NAXD: variants seen among roughly 807,000 people sequenced by gnomAD.
The protein encoded by NAXD is ATP-dependent (S)-NAD(P)H-hydrate dehydratase.
A neutral mutation model predicts 35.8 loss-of-function variants in NAXD; 22 were observed. That is an observed-to-expected ratio of 0.62 (90% confidence interval 0.44 to 0.88). NAXD has a LOEUF of 0.88. NAXD is among the 40% of genes least tolerant of loss of function. The probability of loss-of-function intolerance (pLI) is 0.00; values close to 1 mark genes in which losing one functional copy is unlikely to be tolerated. For synonymous variants in NAXD, 189 were observed against 177.6 expected (o/e 1.06, Z -0.51); for missense variants, 428 against 437.7 (o/e 0.98, Z 0.20).
intron 4 of NAXD, among the ~76,000 whole-genome samples, chr13:110,626,891 T>C (rs897519293): frequency 7.2e-5 from 11 of 152,222 alleles, no homozygotes; most frequent in African/African-American, 2.7e-4. Context: ...GCAGGGTCAG[T>C]GCGTTGTGTG....
At chr13:110,626,875 A>T (rs535032413) in intron 4 of NAXD, among the ~76,000 whole-genome samples, 1 of 152,296 alleles carries the variant, frequency 6.6e-6, no homozygotes, top group East Asian at 1.9e-4. Context: ...TGAATGAGAA[A>T]CTGCAGCAGG....
chr13:110,636,641 T>G (rs764158940), intron 8 of NAXD, among the ~76,000 whole-genome samples: 1 of 152,196 alleles, frequency 6.6e-6, no homozygotes, highest in African/African-American at 2.4e-5. Context: ...TTCAAAGAAA[T>G]AGAGAATTCC....
Position 110,638,756 on chromosome 13 carries a change from GA to G in NAXD, c.*230del, listed in dbSNP as rs1887046203. The G allele has an allele frequency of 1.4e-6, 1 of 692,644 alleles. No individual in the cohort carries two copies. The highest frequency in any genetic ancestry group is 2.7e-5 in the East Asian group (1 of 36,486). The allele number at this position is 692,644 out of a possible 1,614,324, so 42.9% of individuals were successfully genotyped here. A position where few individuals can be genotyped will look rare whatever the true frequency, so the allele number is the denominator to read the frequency against. On this transcript the variant is annotated 3_prime_UTR_variant, in exon 10 of 10. Coordinates refer to ENST00000680254, the MANE Select transcript of NAXD (RefSeq NM_001242882.2). This position sits in a 1 kb window ranked among gnomAD's most constrained non-coding sequence, Gnocchi z 5.4. ...TGGCGACACTAAACAAAGTATTCCT[GA>G]ACTTTCCTTAGCTCCTTGGTAGTAA...
chr13:110,625,304 G>A lies in NAXD; in HGVS notation c.332+26G>A, dbSNP rs182048321. ...GTGAGTCGCTCTGCGCCGGCTTCTC[G>A]TAGGTTCTCTTTCCCTCCTGCATCA... On this transcript the variant is annotated intron_variant, in intron 4 of 9. Transcript: ENST00000680254. 228 of 1,521,334 alleles carry A rather than the reference G, an allele frequency of 1.5e-4. 1 individual carries two copies. In the African/African-American group the frequency reaches 1.6e-3, roughly 11 times the overall value. 94.2% of individuals were successfully genotyped at this position (1,521,334 alleles called of 1,614,324 possible). A position where few individuals can be genotyped will look rare whatever the true frequency, so the allele number is the denominator to read the frequency against.
Position 110,624,216 on chromosome 13 carries a change from T to TA in NAXD, c.198-15dup, listed in dbSNP as rs1886374553. On this transcript the variant is annotated splice_polypyrimidine_tract_variant and intron_variant, in intron 2 of 9. Coordinates refer to ENST00000680254, the MANE Select transcript of NAXD (RefSeq NM_001242882.2). The stretch of plus-strand genomic sequence containing the variant: ...CCTTATTCTCAGAAGTTTTTGACTC[T>TA]AAATACCTTCTTTTTAGGTACACTG... The TA allele has an allele frequency of 1.3e-6, 2 of 1,581,208 alleles. No homozygotes were observed.
At chr13:110,629,550 A>G (rs1013549707) in intron 5 of NAXD, among the ~76,000 whole-genome samples, 2 of 152,152 alleles carry the variant, frequency 1.3e-5, no homozygotes, top group Non-Finnish European at 2.9e-5. Context: ...GACATTTCAT[A>G]TGAATGGAAT....
chr13:110,631,610 CAG>C (rs1242843173), intron 5 of NAXD, among the ~76,000 whole-genome samples: 1 of 152,132 alleles, frequency 6.6e-6, no homozygotes, highest in Non-Finnish European at 1.5e-5. Context: ...AAAGAAAACA[CAG>C]AAACAGATGA....
chr13:110,624,941 C>G (rs567205121), intron 3 of NAXD, among the ~76,000 whole-genome samples: 1 of 152,242 alleles, frequency 6.6e-6, no homozygotes, highest in African/African-American at 2.4e-5. Flanking sequence ...GTGACCAGAC[C>G]GAGCTGGGCC....
At chr13:110,616,106 C>A in intron 1 of NAXD, 1 of 313,580 alleles carries the variant, frequency 3.2e-6, no homozygotes, top group Non-Finnish European at 5.8e-6. Flanking sequence ...GATCCGTCTG[C>A]TCTGCTCTGT....
intron 5 of NAXD, among the ~76,000 whole-genome samples, chr13:110,629,992 T>G (rs1373017109): frequency 1.3e-5 from 2 of 152,248 alleles, no homozygotes; most frequent in Non-Finnish European, 2.9e-5. Context: ...CATCTTTGCA[T>G]GTGCTCATTG....
chr13:110,636,435 T>C (rs887847248), intron 8 of NAXD, among the ~76,000 whole-genome samples: 12 of 152,224 alleles, frequency 7.9e-5, no homozygotes, highest in Admixed American at 2.6e-4. Flanking sequence ...CTCGCACTTA[T>C]ACACATGCAT....
chr13:110,632,519 T>C (rs968165296), intron 5 of NAXD, among the ~76,000 whole-genome samples: 2 of 152,256 alleles, frequency 1.3e-5, no homozygotes, highest in South Asian at 2.1e-4. Context: ...AGGGCACTGA[T>C]TGGTGTGTTT....
intron 3 of NAXD, among the ~76,000 whole-genome samples, chr13:110,624,581 C>T (rs567071699): frequency 3.3e-5 from 5 of 152,296 alleles, no homozygotes; most frequent in South Asian, 2.1e-4. Flanking sequence ...GCCTCAGCCT[C>T]CCGAGTAGCT....
intron 5 of NAXD, among the ~76,000 whole-genome samples, chr13:110,629,086 G>A (rs1034564063): frequency 2.0e-5 from 3 of 152,148 alleles, no homozygotes; most frequent in Non-Finnish European, 4.4e-5. Context: ...CCGCCTCCTC[G>A]TCAGCTTCCA....
At chr13:110,627,331 C>A in intron 4 of NAXD, 108 bp from the exon 5 acceptor site, 1 of 702,954 alleles carries the variant, frequency 1.4e-6, no homozygotes, top group South Asian at 1.9e-5. Flanking sequence ...ATTTAAAAGT[C>A]ATTACTATTT....
At position 110,638,195 on chromosome 13, in the gene NAXD, G is replaced by A; in HGVS notation, c.840-183G>A. ...GTGTGCCTCCTGCCAGGGAGTAGTGGAGGGTTAATGGTGGTTTTCGCTGTG... is the reference window on the plus strand; with the variant it reads ...GTGTGCCTCCTGCCAGGGAGTAGTGAAGGGTTAATGGTGGTTTTCGCTGTG... On this transcript the variant is annotated intron_variant, in intron 9 of 9. Coordinates refer to ENST00000680254, the MANE Select transcript of NAXD (RefSeq NM_001242882.2). This position sits in a 1 kb window ranked among gnomAD's most constrained non-coding sequence, Gnocchi z 5.4. The A allele has an allele frequency of 1.3e-6, 2 of 1,513,642 alleles. No individual in the cohort carries two copies. Among genetic ancestry groups the A allele is most frequent in the Non-Finnish European group, 1.8e-6 (2 of 1,126,682 alleles). The allele number at this position is 1,513,642 out of a possible 1,614,324, so 93.8% of individuals were successfully genotyped here.
In NAXD at chr13:110,625,254, C is replaced by G. The variant is rs369951364; in HGVS notation, c.308C>G (p.Pro103Arg). The stretch of plus-strand genomic sequence containing the variant: ...GCACCTGTGATTAAGGCCTACAGCC[C>G]GGAGCTGATCGTCCACCCAGTTCTG... The part of the protein sequence containing the change: ...AAAPVIKAYS[P>R]ELIVHPVLDS... The change falls in exon 4 of 10, where the codon CCG becomes CGG. Residue 103 changes from proline (P) to arginine (R), a missense_variant. By Grantham distance (103) the Pro-to-Arg change is moderately radical (BLOSUM62 -2). Transcript: ENST00000680254. The G allele has an allele frequency of 1.2e-6, 2 of 1,613,306 alleles. No individual in the cohort carries two copies. The highest frequency in any genetic ancestry group is 1.7e-5 in the Admixed American group (1 of 60,030).
chr13:110,622,015 G>A (rs1293990171), intron 1 of NAXD, among the ~76,000 whole-genome samples: 1 of 151,574 alleles, frequency 6.6e-6, no homozygotes, highest in African/African-American at 2.4e-5. Flanking sequence ...GGGTGACAGA[G>A]TCAGAGTTCG....
chr13:110,619,638 C>T (rs1886185971), intron 1 of NAXD, among the ~76,000 whole-genome samples: 1 of 152,062 alleles, frequency 6.6e-6, no homozygotes, highest in Non-Finnish European at 1.5e-5. Context: ...TCATTTTGCC[C>T]CATCCAGAAG....
Sources: gnomAD v4.1 joint callset for allele counts (sites outside exome capture counted in the v4.1 genomes callset) on GRCh38, gnomAD v4.1.1 for gene constraint, Gnocchi (gnomAD v3.1) non-coding constraint, MANE v1.5 for transcripts, NCBI Gene and HGNC (gene_info 2026-07-23, HGNC 2026-07-21) for gene names.